Variants in ASTN2 observed in about 807,000 individuals in gnomAD.
ASTN2 encodes astrotactin-2.
ASTN2 carries 54 observed loss-of-function variants against 139.8 expected under a neutral mutation model. The ratio of observed to expected loss-of-function variants is 0.39; its 90% confidence interval spans 0.31 to 0.48. The LOEUF is 0.48. Among genes scored for constraint, ASTN2 ranks in the 20% least tolerant of loss-of-function variants. The pLI is 0.95. For missense variants in ASTN2, 1,565 were observed against 1,725.1 expected (o/e 0.91, Z 1.64); for synonymous variants, 756 against 719.5 (o/e 1.05, Z -0.81).
At chr9:116,697,767 C>T (rs555711192) in intron 16 of ASTN2, 1 of 1,614,004 alleles carries the variant, frequency 6.2e-7, no homozygotes, top group Non-Finnish European at 8.5e-7. Flanking sequence ...AGCTTCTCAC[C>T]TGAACCTGGA....
intron 1 of ASTN2, among the ~76,000 whole-genome samples, chr9:117,337,992 A>G (rs1341342355): frequency 6.6e-6 from 1 of 152,210 alleles, no homozygotes; most frequent in Non-Finnish European, 1.5e-5. Flanking sequence ...ATTCCATGGA[A>G]TTATCAAAAT....
At chr9:116,588,482 T>G (rs1487578355) in intron 19 of ASTN2, among the ~76,000 whole-genome samples, 1 of 152,150 alleles carries the variant, frequency 6.6e-6, no homozygotes, top group African/African-American at 2.4e-5. Context: ...CAAAGATATC[T>G]AAGAACCTGA....
At chr9:116,621,008 T>C (rs774931154) in intron 17 of ASTN2, among the ~76,000 whole-genome samples, 1 of 152,194 alleles carries the variant, frequency 6.6e-6, no homozygotes, top group Admixed American at 6.5e-5. Flanking sequence ...TTCTCACCCC[T>C]GGCCACCTTT....
intron 1 of ASTN2, among the ~76,000 whole-genome samples, chr9:117,304,760 G>A (rs377733268): frequency 3.0e-4 from 46 of 152,258 alleles, no homozygotes; most frequent in Admixed American, 1.6e-3. Flanking sequence ...GCCCCAGGCC[G>A]TCAGTGGAAT....
At chr9:116,490,857 C>T (rs938488248) in intron 19 of ASTN2, among the ~76,000 whole-genome samples, 1 of 152,074 alleles carries the variant, frequency 6.6e-6, no homozygotes, top group African/African-American at 2.4e-5. Flanking sequence ...GAGGGTACAG[C>T]CAAACCATAT....
At chr9:116,860,027 C>T (rs181534824) in intron 11 of ASTN2, among the ~76,000 whole-genome samples, 1 of 152,300 alleles carries the variant, frequency 6.6e-6, no homozygotes, top group East Asian at 1.9e-4. Context: ...AGCTGTACTA[C>T]ACACCTGTGA....
chr9:116,944,568 G>C (rs1346446041), intron 10 of ASTN2, among the ~76,000 whole-genome samples: 1 of 151,328 alleles, frequency 6.6e-6, no homozygotes, highest in Non-Finnish European at 1.5e-5. Flanking sequence ...TGTAATCCCA[G>C]CTACTTGGGA....
chr9:116,772,443 G>A (rs1829977059), intron 13 of ASTN2, among the ~76,000 whole-genome samples: 1 of 152,148 alleles, frequency 6.6e-6, no homozygotes, highest in Non-Finnish European at 1.5e-5. Flanking sequence ...ATGTGGAATT[G>A]TGAGTTCATT....
chr9:117,085,550 TG>T (rs1448373947), intron 5 of ASTN2, among the ~76,000 whole-genome samples: 1 of 152,214 alleles, frequency 6.6e-6, no homozygotes, highest in Non-Finnish European at 1.5e-5. Context: ...TTTTCCTACC[TG>T]ACCAAATACC....
At chr9:116,561,615 A>G (rs1343898580) in intron 19 of ASTN2, among the ~76,000 whole-genome samples, 3 of 152,208 alleles carry the variant, frequency 2.0e-5, no homozygotes, top group African/African-American at 7.2e-5. Context: ...GAGAAGGAGA[A>G]AACAAGAGTC....
chr9:117,323,948 G>A (rs1309450031), intron 1 of ASTN2, among the ~76,000 whole-genome samples: 1 of 152,084 alleles, frequency 6.6e-6, no homozygotes, highest in African/African-American at 2.4e-5. Flanking sequence ...ATATCGGCTG[G>A]ACACCATGCT....
At chr9:117,296,277 C>CAAAAAAAAAAAAAAAA (rs5900277) in intron 1 of ASTN2, among the ~76,000 whole-genome samples, 3 of 71,006 alleles carry the variant, frequency 4.2e-5, no homozygotes, top group African/African-American at 1.8e-4. Flanking sequence ...GACTGCATCT[C>CAAAAAAAAAAAAAAAA]AAAAAAAAAA....
intron 19 of ASTN2, among the ~76,000 whole-genome samples, chr9:116,508,487 T>A (rs960997173): frequency 1.7e-4 from 26 of 149,718 alleles, no homozygotes; most frequent in African/African-American, 2.2e-4. Context: ...TGAGTGTGAG[T>A]GTGTGTGTGT....
At chr9:116,950,997 C>T (rs539345427) in intron 10 of ASTN2, among the ~76,000 whole-genome samples, 30 of 152,128 alleles carry the variant, frequency 2.0e-4, no homozygotes, top group African/African-American at 7.0e-4. Flanking sequence ...GACACAGAAA[C>T]AATGTGGTCA....
intron 1 of ASTN2, among the ~76,000 whole-genome samples, chr9:117,308,235 ATC>A (rs1835052932): frequency 2.6e-5 from 4 of 151,916 alleles, no homozygotes; most frequent in Non-Finnish European, 5.9e-5. Flanking sequence ...CAATCAATCA[ATC>A]AATCAATCAA....
At position 117,016,864 on chromosome 9, in the gene ASTN2, T is replaced by C. The variant is rs556090432; in HGVS notation, c.1424-8605A>G. ...ATAAAGCTGTATCAAAATACACCTA[T>C]TTCCAAATAGACATCTTCCTGAAGT... On this transcript the variant is annotated intron_variant, in intron 6 of 22. Coordinates refer to ENST00000313400, the MANE Select transcript of ASTN2 (RefSeq NM_001365068.1). Among the ~76,000 whole-genome samples, 30 of 150,144 alleles carry C rather than the reference T, an allele frequency of 2.0e-4. No homozygotes were observed. The South Asian group carries it at 6.1e-3, about 31-fold the overall frequency.
chr9:117,104,144 G>A (rs1829047955), intron 4 of ASTN2, among the ~76,000 whole-genome samples: 1 of 152,122 alleles, frequency 6.6e-6, no homozygotes, highest in African/African-American at 2.4e-5. Context: ...CGGCATTCTT[G>A]GGATTCATGC....
intron 11 of ASTN2, among the ~76,000 whole-genome samples, chr9:116,821,233 C>G (rs1564286264): frequency 2.0e-5 from 3 of 152,110 alleles, no homozygotes; most frequent in African/African-American, 7.2e-5. Flanking sequence ...GTGTAATTTC[C>G]AGCTTTTCCT....
intron 17 of ASTN2, among the ~76,000 whole-genome samples, chr9:116,646,182 A>G (rs1857580846): frequency 6.6e-6 from 1 of 152,224 alleles, no homozygotes; most frequent in South Asian, 2.1e-4. Context: ...ATCTGCTTCC[A>G]TGTAAATAAA....
Sources: allele counts gnomAD v4.1 joint callset (sites outside exome capture counted in the v4.1 genomes callset), GRCh38; gene constraint gnomAD v4.1.1; transcripts MANE v1.5; gene names NCBI Gene and HGNC (gene_info 2026-07-23, HGNC 2026-07-21).